Variants in NAXD observed in about 807,000 individuals in gnomAD.
The protein encoded by NAXD is NAD(P)HX dehydratase, also known as ATP-dependent (S)-NAD(P)H-hydrate dehydratase.
NAXD carries 22 observed loss-of-function variants against 35.8 expected under a neutral mutation model. The observed-to-expected ratio is 0.62, with a 90% CI of 0.44 to 0.88. The LOEUF is 0.88. Ranked by LOEUF, NAXD falls within the 40% of genes least tolerant of loss-of-function variation. NAXD has a pLI of 0.00. For missense variants in NAXD, 428 were observed against 437.7 expected (o/e 0.98, Z 0.20); for synonymous variants, 189 against 177.6 (o/e 1.06, Z -0.51).
chr13:110,618,733 T>G (rs1479283269), intron 1 of NAXD, among the ~76,000 whole-genome samples: 1 of 144,578 alleles, frequency 6.9e-6, no homozygotes, highest in Non-Finnish European at 1.5e-5. Flanking sequence ...TATGTGTTCT[T>G]GTCATTATTT....
In NAXD at chr13:110,638,634, G is replaced by C. The variant is rs770414641; in HGVS notation, c.*106G>C. On this transcript the variant is annotated 3_prime_UTR_variant, in exon 10 of 10. Transcript: ENST00000680254. This position sits in a 1 kb window ranked among gnomAD's most constrained non-coding sequence, Gnocchi z 5.4. ...TGCTGAAGGCGTACGGTGCTTGCCA[G>C]ATTTTCAACTTGAGCATAAATTGGT... The C allele has an allele frequency of 5.4e-6, 7 of 1,289,548 alleles. No homozygotes were observed. The highest frequency in any genetic ancestry group is 3.5e-5 in the Admixed American group (2 of 56,980). 79.9% of individuals were successfully genotyped at this position (1,289,548 alleles called of 1,614,324 possible). A position where few individuals can be genotyped will look rare whatever the true frequency, so the allele number is the denominator to read the frequency against.
intron 3 of NAXD, 53 bp from the exon 4 acceptor site, chr13:110,625,136 TG>T: frequency 7.6e-7 from 1 of 1,323,112 alleles, no homozygotes. Context: ...GTCTGGCGGG[TG>T]GGCAGCGATG....
rs1438130836 is a variant in NAXD, at chr13:110,625,251, G to T, written c.305G>T (p.Ser102Ile). The T allele has an allele frequency of 1.2e-6, 2 of 1,613,652 alleles. No homozygotes were observed. The highest frequency in any genetic ancestry group is 8.5e-7 in the Non-Finnish European group (1 of 1,179,650). ...SAAAPVIKAY[S>I]PELIVHPVLD... is the part of the protein sequence containing the mutation. ...GCCGCACCTGTGATTAAGGCCTACA[G>T]CCCGGAGCTGATCGTCCACCCAGTT... The change falls in exon 4 of 10, where the codon AGC becomes ATC. Residue 102 changes from serine (S) to isoleucine (I), a missense_variant. This residue lies in a region of NAXD where 208 missense variants were observed against 193.0 expected (regional missense o/e 1.08). Transcript: ENST00000680254.
Position 110,634,525 on chromosome 13 carries a change from C to T in NAXD, c.442-20C>T, listed in dbSNP as rs1431922704. The T allele has an allele frequency of 6.2e-7, 1 of 1,613,690 alleles. No individual in the cohort carries two copies. ...CATAGCAGCAGGCATGGTGCTCAGT[C>T]TGGTTTTCTCTTCTGGCAGGGCATT... On this transcript the variant is annotated intron_variant, in intron 5 of 9. Coordinates refer to ENST00000680254, the MANE Select transcript of NAXD (RefSeq NM_001242882.2).
Position 110,627,508 on chromosome 13 carries a change from T to C in NAXD, c.402T>C (p.Pro134=). 6.2e-7 allele frequency: 1 copy of C among 1,614,138 alleles called. No homozygotes were observed. The highest frequency in any genetic ancestry group is 8.5e-7 in the Non-Finnish European group (1 of 1,179,970). Residue 134 remains proline, a synonymous_variant, in exon 5 of 10, where the codon CCT becomes CCC. Transcript: ENST00000680254. ...LPRLHALVVG[P]GLGRDDALLR... ...GGCTGCATGCTCTTGTCGTAGGACC[T>C]GGCTTGGGTAGAGATGATGCGCTTC...
intron 5 of NAXD, among the ~76,000 whole-genome samples, chr13:110,634,088 C>T (rs532113409): frequency 2.0e-5 from 3 of 152,288 alleles, no homozygotes; most frequent in African/African-American, 7.2e-5. Flanking sequence ...ACGGGCTCTG[C>T]GAGTTCATTG....
At chr13:110,623,767 C>T (rs947320276) in intron 2 of NAXD, among the ~76,000 whole-genome samples, 1 of 152,180 alleles carries the variant, frequency 6.6e-6, no homozygotes, top group African/African-American at 2.4e-5. Context: ...TTTTGAGAGG[C>T]CGAGGCGGGC....
In NAXD at chr13:110,632,492, G is replaced by C. The variant is rs528192283; in HGVS notation, c.442-2053G>C. Among the ~76,000 whole-genome samples the C allele has an allele frequency of 2.7e-3, 415 of 152,268 alleles. 2 individuals carry two copies. Among genetic ancestry groups the C allele is most frequent in the Non-Finnish European group, 3.0e-3 (203 of 68,024 alleles). On this transcript the variant is annotated intron_variant, in intron 5 of 9. Transcript: ENST00000680254. ...CCACATCCTGCTGATTGGTAGAGCC[G>C]AGTGGCCTGTTTTGTCAGGGCACTG... is the stretch of plus-strand genomic sequence containing the variant.
chr13:110,624,110 T>C, intron 2 of NAXD, 124 bp from the exon 3 acceptor site: 1 of 624,584 alleles, frequency 1.6e-6, no homozygotes, highest in Non-Finnish European at 2.9e-6. Context: ...TTCATGTCTC[T>C]GTTATTTATT....
chr13:110,631,107 G>T (rs966128415), intron 5 of NAXD, among the ~76,000 whole-genome samples: 2 of 152,152 alleles, frequency 1.3e-5, no homozygotes, highest in East Asian at 1.9e-4. Context: ...AAGTCTTCTG[G>T]TTCCTGGGCT....
At position 110,637,020 on chromosome 13, in the gene NAXD, T is replaced by A. The variant is rs1459952511; in HGVS notation, c.719-109T>A. Reference sequence around the variant, plus strand: ...GGATGTGAGTGGAGCCTCAGGCTGCTCCTGGAGGGTGTGGCTCTGCCTGCC... The same window carrying A: ...GGATGTGAGTGGAGCCTCAGGCTGCACCTGGAGGGTGTGGCTCTGCCTGCC... On this transcript the variant is annotated intron_variant, in intron 8 of 9. Transcript: ENST00000680254. 2.3e-6 allele frequency: 3 copies of A among 1,300,736 alleles called. No individual in the cohort carries two copies. In the East Asian group the frequency reaches 7.5e-5, roughly 33 times the overall value. 80.6% of individuals were successfully genotyped at this position (1,300,736 alleles called of 1,614,324 possible).
At position 110,637,113 on chromosome 13, in the gene NAXD, C is replaced by G. The variant is rs1262764401; in HGVS notation, c.719-16C>G. The G allele has an allele frequency of 6.2e-7, 1 of 1,605,276 alleles. No individual in the cohort carries two copies. The highest frequency in any genetic ancestry group is 8.5e-7 in the Non-Finnish European group (1 of 1,177,320). On this transcript the variant is annotated splice_polypyrimidine_tract_variant and intron_variant, in intron 8 of 9. Coordinates refer to ENST00000680254, the MANE Select transcript of NAXD (RefSeq NM_001242882.2). The stretch of plus-strand genomic sequence containing the variant: ...ATGGCCATGCTGACACCTGCTCTCA[C>G]TTCTGCCCTGTGCAGTGCTTGTGTG...
chr13:110,624,319 TAG>T (rs750583624), intron 3 of NAXD, 40 bp downstream of exon 3: 2 of 1,266,222 alleles, frequency 1.6e-6, no homozygotes, highest in African/African-American at 1.5e-5. Context: ...ATTTTTCTGG[TAG>T]AGAGTTTGAT....
intron 1 of NAXD, chr13:110,615,851 G>T: frequency 1.7e-6 from 2 of 1,194,842 alleles, no homozygotes; most frequent in Non-Finnish European, 2.1e-6. Flanking sequence ...GCGGGGCCGG[G>T]GCGCCGTGTG....
intron 8 of NAXD, among the ~76,000 whole-genome samples, chr13:110,636,348 C>G (rs1462602184): frequency 6.6e-6 from 1 of 151,292 alleles, no homozygotes; most frequent in African/African-American, 2.4e-5. Context: ...CACTCACATT[C>G]ACATGCACAT....
intron 4 of NAXD, among the ~76,000 whole-genome samples, chr13:110,626,293 T>C (rs952277411): frequency 1.3e-5 from 2 of 151,876 alleles, no homozygotes; most frequent in African/African-American, 4.8e-5. Flanking sequence ...GGGGGTGGAA[T>C]TTGCCGACAG....
chr13:110,634,288 G>T (rs1046500620), intron 5 of NAXD, among the ~76,000 whole-genome samples: 2 of 152,178 alleles, frequency 1.3e-5, no homozygotes, highest in Non-Finnish European at 2.9e-5. Context: ...GCGTTTACTG[G>T]CTCACAGTTC....
chr13:110,637,376 A>G (rs1331061711), intron 9 of NAXD, 127 bp downstream of exon 9: 1 of 1,147,922 alleles, frequency 8.7e-7, no homozygotes, highest in African/African-American at 1.5e-5. Flanking sequence ...CACTGGAGAG[A>G]TCTCGGCACA....
At chr13:110,622,441 G>C (rs964132923) in intron 2 of NAXD, 75 bp downstream of exon 2, 14 of 1,483,982 alleles carry the variant, frequency 9.4e-6, no homozygotes, top group African/African-American at 1.4e-5. Context: ...TGTCATTCAC[G>C]CTGTCTAGTT....
Sources: allele counts gnomAD v4.1 joint callset (sites outside exome capture counted in the v4.1 genomes callset), GRCh38; gene constraint gnomAD v4.1.1; regional missense constraint gnomAD v4.1.1; non-coding constraint Gnocchi (gnomAD v3.1); transcripts MANE v1.5; gene names NCBI Gene and HGNC (gene_info 2026-07-23, HGNC 2026-07-21).